The following ZNF454 variants were observed in gnomAD, a reference collection of about 807,000 sequenced individuals.
The protein encoded by ZNF454 is zinc finger protein 454.
In ZNF454, 30 loss-of-function variants were observed where a neutral mutation model predicts 48.2. The ratio of observed to expected loss-of-function variants is 0.62; its 90% CI spans 0.47 to 0.84. ZNF454 has a LOEUF of 0.84. Among genes scored for constraint, ZNF454 ranks in the 40% least tolerant of loss-of-function variants. The probability of loss-of-function intolerance (pLI) is 0.00; values close to 1 mark genes in which losing one functional copy is unlikely to be tolerated. For missense variants in ZNF454, 510 were observed against 623.1 expected, an observed-to-expected ratio of 0.82 and a Z score of 1.93; for synonymous variants, 204 against 211.4, an observed-to-expected ratio of 0.97 and a Z score of 0.30.
At chr5:178,949,143 C>T (rs1452938846) in intron 4 of ZNF454, among the ~76,000 whole-genome samples, 1 of 152,020 alleles carries the variant, frequency 6.6e-6, no homozygotes, top group Non-Finnish European at 1.5e-5. Flanking sequence ...TCCGTTCTCC[C>T]GAGTTCAAGC....
downstream of ZNF454, among the ~76,000 whole-genome samples, chr5:178,967,981 C>T (rs1161402336): frequency 1.3e-5 from 2 of 151,934 alleles, no homozygotes; most frequent in African/African-American, 2.4e-5. Flanking sequence ...CCTTGTGATC[C>T]GCCCACCTCG....
chr5:178,965,423 G>A lies in ZNF454; in HGVS notation c.1019G>A (p.Ser340Asn). 6.2e-7 allele frequency: 1 copy of A among 1,614,106 alleles called. No homozygotes were observed. The highest frequency in any genetic ancestry group is 8.5e-7 in the Non-Finnish European group (1 of 1,180,018). ...GAATGTGGAAAAGCCTTTAATCAGA[G>A]TACAAGTTTCCTTCAGCATCAGAGA... ...CNECGKAFNQSTSFLQHQRIH... is the reference protein window; with the variant it reads ...CNECGKAFNQNTSFLQHQRIH... The change falls in exon 5 of 5, where the codon AGT (serine) becomes AAT (asparagine). Residue 340 changes from serine to asparagine, a missense_variant. Physicochemically the swap from Ser to Asn is conservative, Grantham distance 46. Transcript: ENST00000519564. This position sits in a 1 kb window ranked among gnomAD's most constrained non-coding sequence, Gnocchi z 5.2.
At chr5:178,982,090 C>T in the ZNF454 span, among the ~76,000 whole-genome samples, 7 of 152,178 alleles carry the variant, frequency 4.6e-5, no homozygotes, top group African/African-American at 1.7e-4. Context: ...AACAGAGAGA[C>T]ACCTGGGGAA....
the ZNF454 span, chr5:178,983,018 G>C: frequency 6.2e-7 from 1 of 1,613,998 alleles, no homozygotes; most frequent in Non-Finnish European, 8.5e-7. Context: ...TGAAGGTCTC[G>C]GGCACGCCAC....
chr5:178,983,254 C>A, the ZNF454 span: 1 of 1,581,054 alleles, frequency 6.3e-7, no homozygotes. Flanking sequence ...AGACACAGCA[C>A]TTTCCAGGGA....
At chr5:178,982,545 C>A in the ZNF454 span, among the ~76,000 whole-genome samples, 2 of 126,624 alleles carry the variant, frequency 1.6e-5, no homozygotes, top group Non-Finnish European at 3.1e-5. Flanking sequence ...CCACTGCACT[C>A]CAGCCTGGGC....
the ZNF454 span, chr5:178,981,670 T>C: frequency 6.2e-7 from 1 of 1,613,698 alleles, no homozygotes; most frequent in East Asian, 2.2e-5. This position sits in a 1 kb window ranked among gnomAD's most constrained non-coding sequence, Gnocchi z 5.1. Context: ...CTTGTGGGCC[T>C]CTGCATCCTC....
downstream of ZNF454, among the ~76,000 whole-genome samples, chr5:178,970,468 T>C (rs61213092): frequency 0.11 from 16,972 of 152,188 alleles, 1,364 homozygotes; most frequent in African/African-American, 0.23. Flanking sequence ...TGATGGTCCT[T>C]TGCAGGTGCC....
intron 4 of ZNF454, among the ~76,000 whole-genome samples, chr5:178,963,096 A>G (rs1254324873): frequency 6.6e-6 from 1 of 151,814 alleles, no homozygotes; most frequent in Non-Finnish European, 1.5e-5. Flanking sequence ...ATTCAATAAA[A>G]TGTTTGAGTA....
chr5:178,954,684 C>G (rs139645474), intron 4 of ZNF454, among the ~76,000 whole-genome samples: 1 of 152,286 alleles, frequency 6.6e-6, no homozygotes, highest in Non-Finnish European at 1.5e-5. Context: ...TTTTCTTATG[C>G]CCCAAAGTTC....
chr5:178,959,389 A>G (rs1581875893), intron 4 of ZNF454, among the ~76,000 whole-genome samples: 1 of 152,140 alleles, frequency 6.6e-6, no homozygotes, highest in Non-Finnish European at 1.5e-5. Flanking sequence ...TCTTGTGCCA[A>G]CACAACATTG....
chr5:178,947,124 AC>A, intron 4 of ZNF454, 138 bp downstream of exon 4: 1 of 699,226 alleles, frequency 1.4e-6, no homozygotes, highest in South Asian at 1.8e-5. Context: ...TCACCTGAAT[AC>A]CTTGTTGCTA....
At chr5:178,954,618 CA>C (rs1459355566) in intron 4 of ZNF454, among the ~76,000 whole-genome samples, 2 of 152,146 alleles carry the variant, frequency 1.3e-5, no homozygotes, top group Admixed American at 6.5e-5. Context: ...AAAATTTGAT[CA>C]GTTTTGACAA....
the ZNF454 span, chr5:178,982,827 G>T: frequency 1.0e-6 from 1 of 976,556 alleles, no homozygotes; most frequent in South Asian, 1.3e-5. Context: ...ACAAAAGCAC[G>T]AACAAGCATT....
intron 2 of ZNF454, 150 bp downstream of exon 2, chr5:178,942,974 GC>G: frequency 1.3e-6 from 1 of 773,204 alleles, no homozygotes; most frequent in Non-Finnish European, 2.0e-6. Context: ...CTCCAACCCC[GC>G]CCCATATCCG....
At chr5:178,968,510 A>G (rs558572380), downstream of ZNF454, among the ~76,000 whole-genome samples, 22 of 152,248 alleles carry the variant, frequency 1.4e-4, no homozygotes, top group South Asian at 2.9e-3. Flanking sequence ...CTGATCAGCA[A>G]CTCAGACTTT....
At chr5:178,987,565 G>T in the ZNF454 span, 2 of 408,060 alleles carry the variant, frequency 4.9e-6, no homozygotes, top group Non-Finnish European at 9.9e-6. Context: ...TCACACATGC[G>T]CAAATACCGT....
downstream of ZNF454, among the ~76,000 whole-genome samples, chr5:178,971,161 G>C (rs1318473530): frequency 2.0e-5 from 3 of 152,204 alleles, no homozygotes; most frequent in Non-Finnish European, 4.4e-5. Flanking sequence ...CAGAGGAGAG[G>C]CTCGGGATAA....
the ZNF454 span, among the ~76,000 whole-genome samples, chr5:178,978,100 T>A: frequency 6.6e-6 from 1 of 152,250 alleles, no homozygotes; most frequent in East Asian, 1.9e-4. Flanking sequence ...CTGTCCATAC[T>A]ACAGCAGTTT....
Sources: allele counts gnomAD v4.1 joint callset (sites outside exome capture counted in the v4.1 genomes callset), GRCh38; gene constraint gnomAD v4.1.1; non-coding constraint Gnocchi (gnomAD v3.1); transcripts MANE v1.5; gene names NCBI Gene and HGNC (gene_info 2026-07-23, HGNC 2026-07-21).